Variants in GABRB2 observed in about 807,000 individuals in gnomAD.
GABRB2 encodes the protein gamma-aminobutyric acid type A receptor subunit beta2.
Under a neutral mutation model 54.7 loss-of-function variants are expected in GABRB2, and 16 were observed. The observed-to-expected ratio is 0.29, with a 90% CI of 0.20 to 0.44. GABRB2 has a LOEUF of 0.44. Ranked by LOEUF, GABRB2 falls within the 20% of genes least tolerant of loss-of-function variation. The probability of loss-of-function intolerance (pLI) is 1.00; values close to 1 mark genes in which losing one functional copy is unlikely to be tolerated. For missense variants in GABRB2, 355 were observed against 644.0 expected (o/e 0.55, Z 4.86); for synonymous variants, 244 against 233.8 (o/e 1.04, Z -0.40).
chr5:161,390,196 T>C (rs1755777721), intron 5 of GABRB2, among the ~76,000 whole-genome samples: 3 of 152,112 alleles, frequency 2.0e-5, no homozygotes, highest in African/African-American at 7.2e-5. Context: ...GTAGCCCTGC[T>C]ACTCCCTTGC....
rs1758366698 is a variant in GABRB2, at chr5:161,326,467, A to G, written c.1092T>C (p.Asp364=). ...RLDVNKIFYK[D]IKQNGTQYRS... ...GATATTGGGTCCCATTTTGTTTAAT[A>G]TCTTTATAAAAAATCTGGAAGACAA... The change falls in exon 9 of 10, where the codon GAT becomes GAC. Residue 364 remains aspartate (D), a synonymous_variant. Coordinates refer to ENST00000393959, the MANE Select transcript of GABRB2 (RefSeq NM_001371727.1). 10 of 1,613,286 alleles carry G rather than the reference A, an allele frequency of 6.2e-6. No individual in the cohort carries two copies. The highest frequency in any genetic ancestry group is 8.5e-6 in the Non-Finnish European group (10 of 1,179,488).
intron 8 of GABRB2, chr5:161,330,112 T>C (rs1753788167): frequency 6.6e-6 from 1 of 152,180 alleles, no homozygotes; most frequent in Non-Finnish European, 1.5e-5. Flanking sequence ...GTATTTTTTT[T>C]TAATCTGTTC....
intron 5 of GABRB2, among the ~76,000 whole-genome samples, chr5:161,340,459 G>A (rs140957155): frequency 6.6e-4 from 100 of 152,018 alleles, no homozygotes; most frequent in African/African-American, 2.3e-3. Context: ...CATAGTGCTG[G>A]CACACAGTTG....
chr5:161,417,130 C>T (rs1756701767), intron 4 of GABRB2, among the ~76,000 whole-genome samples: 1 of 152,160 alleles, frequency 6.6e-6, no homozygotes. Context: ...TATTCTGTGT[C>T]TCACAACCAT....
intron 9 of GABRB2, among the ~76,000 whole-genome samples, chr5:161,312,354 C>T (rs779185944): frequency 2.6e-5 from 4 of 152,082 alleles, no homozygotes; most frequent in Non-Finnish European, 5.9e-5. Context: ...CTGAAGATGA[C>T]GGCAGACAGT....
chr5:161,408,004 G>T (rs1025699993), intron 5 of GABRB2, among the ~76,000 whole-genome samples: 2 of 151,962 alleles, frequency 1.3e-5, no homozygotes, highest in African/African-American at 4.8e-5. Context: ...TTATTTCAAG[G>T]CTTGCTTTAA....
intron 3 of GABRB2, among the ~76,000 whole-genome samples, chr5:161,541,000 C>T (rs998606793): frequency 2.6e-5 from 4 of 152,008 alleles, no homozygotes; most frequent in Non-Finnish European, 4.4e-5. Flanking sequence ...CACATGCCAC[C>T]ATGCCTAGCT....
At chr5:161,497,550 G>GTT (rs1759294783) in intron 3 of GABRB2, among the ~76,000 whole-genome samples, 1 of 151,700 alleles carries the variant, frequency 6.6e-6, no homozygotes, top group African/African-American at 2.4e-5. Context: ...GTGTGTGTGT[G>GTT]TGTGTGTGTT....
At position 161,408,974 on chromosome 5, in the gene GABRB2, C is replaced by T. The variant is rs531928182; in HGVS notation, c.541+2001G>A. Among the ~76,000 whole-genome samples, 8 of 152,132 alleles carry T rather than the reference C, an allele frequency of 5.3e-5. No individual in the cohort carries two copies. The South Asian group carries it at 1.7e-3, about 32-fold the overall frequency. ...GTTTAGTTAGTAGACAACCTATTTA[C>T]AACAATAAAGCCTGGATATCATGTA... is the stretch of plus-strand genomic sequence containing the variant. On this transcript the variant is annotated intron_variant, in intron 5 of 9. Transcript: ENST00000393959.
chr5:161,495,606 C>T (rs1422089911), intron 3 of GABRB2, among the ~76,000 whole-genome samples: 1 of 151,764 alleles, frequency 6.6e-6, no homozygotes, highest in Non-Finnish European at 1.5e-5. Context: ...ATTCTATACT[C>T]CAGAAGGTGA....
At chr5:161,475,445 T>C (rs551810159) in intron 3 of GABRB2, among the ~76,000 whole-genome samples, 1 of 151,832 alleles carries the variant, frequency 6.6e-6, no homozygotes, top group East Asian at 1.9e-4. Flanking sequence ...CCAGAAAAAA[T>C]AGGGAACACT....
intron 5 of GABRB2, among the ~76,000 whole-genome samples, chr5:161,374,163 C>T (rs957109912): frequency 4.6e-5 from 7 of 151,964 alleles, no homozygotes; most frequent in Non-Finnish European, 7.4e-5. Flanking sequence ...AGGCTGGTCT[C>T]GAACTCCTGA....
chr5:161,502,344 T>C (rs918215966), intron 3 of GABRB2, among the ~76,000 whole-genome samples: 1 of 152,074 alleles, frequency 6.6e-6, no homozygotes, highest in Non-Finnish European at 1.5e-5. Context: ...ATAAAAGAAA[T>C]GCATTATTTA....
chr5:161,465,446 A>G (rs1324252993), intron 3 of GABRB2, among the ~76,000 whole-genome samples: 1 of 152,122 alleles, frequency 6.6e-6, no homozygotes, highest in Non-Finnish European at 1.5e-5. Context: ...TCCATTCTAG[A>G]AAATCCTCTG....
At chr5:161,445,055 C>T (rs78496337) in intron 4 of GABRB2, among the ~76,000 whole-genome samples, 9,091 of 152,114 alleles carry the variant, frequency 0.06, 294 homozygotes, top group Middle Eastern at 0.092. Context: ...CTCATTCATG[C>T]GTACATATAT....
intron 4 of GABRB2, among the ~76,000 whole-genome samples, chr5:161,453,458 C>T (rs1348093559): frequency 1.3e-5 from 2 of 152,048 alleles, no homozygotes; most frequent in South Asian, 2.1e-4. Context: ...GGGATTAGTG[C>T]CCATAGTTTG....
chr5:161,527,789 C>T (rs1361759148), intron 3 of GABRB2, among the ~76,000 whole-genome samples: 1 of 151,382 alleles, frequency 6.6e-6, no homozygotes, highest in Non-Finnish European at 1.5e-5. Context: ...TACAGATTAG[C>T]AAAGATGAAA....
At chr5:161,404,158 G>T (rs1312110927) in intron 5 of GABRB2, among the ~76,000 whole-genome samples, 1 of 152,130 alleles carries the variant, frequency 6.6e-6, no homozygotes. Context: ...CCAAGCACTT[G>T]TCTATGGTCA....
At chr5:161,353,331 G>T (rs1053014681) in intron 5 of GABRB2, among the ~76,000 whole-genome samples, 3 of 152,000 alleles carry the variant, frequency 2.0e-5, no homozygotes, top group African/African-American at 4.8e-5. Flanking sequence ...ACCTCCTGTT[G>T]CAGGACTGGA....
Sources: allele counts gnomAD v4.1 joint callset (sites outside exome capture counted in the v4.1 genomes callset), GRCh38; gene constraint gnomAD v4.1.1; transcripts MANE v1.5; gene names NCBI Gene and HGNC (gene_info 2026-07-23, HGNC 2026-07-21).